Variants in CEP85L observed in about 807,000 individuals in gnomAD.
CEP85L encodes the protein centrosomal protein of 85 kDa-like.
Under a neutral mutation model 100.3 loss-of-function variants are expected in CEP85L, and 60 were observed. The observed-to-expected ratio is 0.60, with a 90% CI of 0.49 to 0.74. The LOEUF (loss-of-function observed/expected upper bound fraction) is 0.74, where lower values mean the gene tolerates loss of function less well. Among genes scored for constraint, CEP85L ranks in the 30% least tolerant of loss-of-function variants. The pLI, the probability that CEP85L is intolerant of heterozygous loss-of-function variation, is 0.00. For synonymous variants in CEP85L, 319 were observed against 322.7 expected, an observed-to-expected ratio of 0.99 and a Z score of 0.12; for missense variants, 973 against 936.2, an observed-to-expected ratio of 1.04 and a Z score of -0.51.
At chr6:118,621,501 G>C (rs1457361696) in intron 2 of CEP85L, among the ~76,000 whole-genome samples, 1 of 152,110 alleles carries the variant, frequency 6.6e-6, no homozygotes, top group African/African-American at 2.4e-5. Flanking sequence ...TGTTTGGTCA[G>C]GCACTGGCCC....
intron 3 of CEP85L, among the ~76,000 whole-genome samples, chr6:118,553,215 T>TAAAAAAAAAAAAAAAAAAAAAAAAAAA (rs59502810): frequency 7.2e-6 from 1 of 138,942 alleles, no homozygotes; most frequent in African/African-American, 2.6e-5. Flanking sequence ...GTTAAGAAAT[T>TAAAAAAAAAAAAAAAAAAAAAAAAAAA]AAAAAAAAAA....
intron 3 of CEP85L, among the ~76,000 whole-genome samples, chr6:118,526,353 A>G (rs1776963843): frequency 6.6e-6 from 1 of 152,154 alleles, no homozygotes; most frequent in Non-Finnish European, 1.5e-5. Flanking sequence ...CAAATAACAC[A>G]GTTACTCCCC....
intron 1 of CEP85L, among the ~76,000 whole-genome samples, chr6:118,667,820 G>A (rs1325363273): frequency 1.3e-5 from 2 of 152,156 alleles, no homozygotes; most frequent in Non-Finnish European, 2.9e-5. Flanking sequence ...GGAGAGCATG[G>A]CACACAGGCC....
Position 118,523,940 on chromosome 6 carries a change from C to T in CEP85L, c.1021-20G>A, listed in dbSNP as rs1776808685. The T allele has an allele frequency of 9.6e-7, 1 of 1,039,094 alleles. No individual in the cohort carries two copies. The allele number at this position is 1,039,094 out of a possible 1,614,324, so 64.4% of individuals were successfully genotyped here. On this transcript the variant is annotated intron_variant, in intron 3 of 12. Transcript: ENST00000368491. The stretch of plus-strand genomic sequence containing the variant: ...CAAAACCTGCAGAAACATGTTTACA[C>T]AATTAGTATACTAAAATATTTAAAG...
At chr6:118,603,089 A>C (rs1562300294) in intron 2 of CEP85L, among the ~76,000 whole-genome samples, 1 of 152,028 alleles carries the variant, frequency 6.6e-6, no homozygotes. Context: ...CAAAGTGCTG[A>C]GATTACAGGT....
At chr6:118,502,213 C>T in intron 5 of CEP85L, 1 of 723,532 alleles carries the variant, frequency 1.4e-6, no homozygotes, top group Non-Finnish European at 2.3e-6. Flanking sequence ...GAATTATGGA[C>T]CCTGGAGTTC....
intron 5 of CEP85L, among the ~76,000 whole-genome samples, chr6:118,497,192 T>C (rs1223912226): frequency 2.0e-5 from 3 of 152,230 alleles, no homozygotes; most frequent in Non-Finnish European, 2.9e-5. Context: ...AAAAGTATGT[T>C]TGAGACAACT....
intron 2 of CEP85L, among the ~76,000 whole-genome samples, chr6:118,587,139 G>A (rs1780908498): frequency 6.6e-6 from 1 of 152,256 alleles, no homozygotes; most frequent in East Asian, 1.9e-4. Context: ...GTGACACTAA[G>A]GAACCTTATA....
chr6:118,684,528 G>A (rs1318770662), intron 1 of CEP85L, among the ~76,000 whole-genome samples: 7 of 151,722 alleles, frequency 4.6e-5, no homozygotes, highest in Non-Finnish European at 1.0e-4. Flanking sequence ...AAGAAAGAAA[G>A]AAAAAAAGGT....
intron 1 of CEP85L, among the ~76,000 whole-genome samples, chr6:118,691,894 A>T (rs1032394898): frequency 6.6e-6 from 1 of 152,078 alleles, no homozygotes; most frequent in African/African-American, 2.4e-5. Context: ...CTTTGAGGTA[A>T]ATTTTTGTTA....
intron 3 of CEP85L, among the ~76,000 whole-genome samples, chr6:118,554,394 G>A (rs996324894): frequency 1.3e-5 from 2 of 152,180 alleles, no homozygotes; most frequent in East Asian, 1.9e-4. Context: ...CATTCGTCCC[G>A]CCTAGGCCTT....
At chr6:118,539,441 T>C (rs570539779) in intron 3 of CEP85L, among the ~76,000 whole-genome samples, 18 of 152,184 alleles carry the variant, frequency 1.2e-4, no homozygotes, top group Non-Finnish European at 2.4e-4. Context: ...TCTACGATGT[T>C]TACACAATAA....
At chr6:118,484,031 C>T (rs899621690) in intron 6 of CEP85L, among the ~76,000 whole-genome samples, 173 bp from the exon 7 acceptor site, 16 of 151,938 alleles carry the variant, frequency 1.1e-4, no homozygotes, top group African/African-American at 3.6e-4. Context: ...TTACACTTGC[C>T]GGGTGTGGTG....
intron 3 of CEP85L, among the ~76,000 whole-genome samples, chr6:118,544,773 T>C (rs1425209638): frequency 6.6e-6 from 1 of 152,132 alleles, no homozygotes; most frequent in Non-Finnish European, 1.5e-5. Flanking sequence ...CCCCTAAGCT[T>C]TATAGGTTAC....
intron 3 of CEP85L, among the ~76,000 whole-genome samples, chr6:118,525,268 C>T (rs566425309): frequency 6.6e-6 from 1 of 152,122 alleles, no homozygotes; most frequent in Non-Finnish European, 1.5e-5. Flanking sequence ...ACGGTAGAAA[C>T]TAACATGGCA....
At chr6:118,551,421 C>T (rs1339621722) in intron 3 of CEP85L, among the ~76,000 whole-genome samples, 1 of 151,930 alleles carries the variant, frequency 6.6e-6, no homozygotes, top group Non-Finnish European at 1.5e-5. Context: ...TTTCTCAATA[C>T]TACCTCCCCA....
At chr6:118,475,591 T>C (rs1046150826) in intron 10 of CEP85L, among the ~76,000 whole-genome samples, 24 of 152,084 alleles carry the variant, frequency 1.6e-4, no homozygotes, top group African/African-American at 5.8e-4. Context: ...CCTAACCTCA[T>C]GATCCGCCTG....
chr6:118,462,212 T>C lies in CEP85L; in HGVS notation c.*3193A>G, dbSNP rs2114356048. The C allele has an allele frequency of 6.6e-6, 1 of 152,154 alleles. No homozygotes were observed. The highest frequency in any genetic ancestry group is 1.9e-4 in the East Asian group (1 of 5,188). 9.4% of individuals were successfully genotyped at this position (152,154 alleles called of 1,614,324 possible). On this transcript the variant is annotated 3_prime_UTR_variant, in exon 13 of 13. Transcript: ENST00000368491. Reference sequence around the variant, plus strand: ...ACCACCAAAATAAATTTCACTAAAATATAATACTGTTAGCATTAAATATTG... The same window carrying C: ...ACCACCAAAATAAATTTCACTAAAACATAATACTGTTAGCATTAAATATTG...
intron 12 of CEP85L, among the ~76,000 whole-genome samples, chr6:118,468,070 A>G (rs532896835): frequency 6.6e-5 from 10 of 152,332 alleles, no homozygotes; most frequent in African/African-American, 2.4e-4. Flanking sequence ...CCGTGAGTGA[A>G]TATACTTAAA....
Sources: allele counts gnomAD v4.1 joint callset (sites outside exome capture counted in the v4.1 genomes callset), GRCh38; gene constraint gnomAD v4.1.1; transcripts MANE v1.5; gene names NCBI Gene and HGNC (gene_info 2026-07-23, HGNC 2026-07-21).